SUMF1: variants seen among roughly 807,000 people sequenced by gnomAD.
SUMF1 encodes sulfatase modifying factor 1.
SUMF1 carries 48 observed loss-of-function variants against 47.6 expected under a neutral mutation model. The observed-to-expected ratio is 1.01, with a 90% CI of 0.80 to 1.28. The LOEUF is 1.28. SUMF1 is among the 50% of genes most tolerant of loss of function. The probability of loss-of-function intolerance (pLI) is 0.00; values close to 1 mark genes in which losing one functional copy is unlikely to be tolerated. For synonymous variants in SUMF1, 230 were observed against 192.1 expected (o/e 1.20, Z -1.63); for missense variants, 571 against 485.4 (o/e 1.18, Z -1.66).
rs528563248 is a variant in SUMF1 at position 4,263,956 on chromosome 3, T to C, written c.1014+112374A>G. ...ATAAGAAGATAGACTTGTTCCTCTA[T>C]AAACTAGACAGGAAAATACATATTA... On this transcript the variant is annotated intron_variant and NMD_transcript_variant, in intron 8 of 12. Coordinates refer to the SUMF1 transcript ENST00000448413. Among the ~76,000 whole-genome samples the C allele has an allele frequency of 2.6e-5, 4 of 152,204 alleles. No individual in the cohort carries two copies. In the East Asian group the frequency reaches 7.7e-4, roughly 29 times the overall value.
At chr3:4,293,190 G>C (rs1419933654) in intron 8 of SUMF1, among the ~76,000 whole-genome samples, 1 of 152,042 alleles carries the variant, frequency 6.6e-6, no homozygotes, top group African/African-American at 2.4e-5. Flanking sequence ...CAACCACATA[G>C]TGCAGTTATA....
At chr3:4,463,749 A>C (rs557058091) in intron 1 of SUMF1, among the ~76,000 whole-genome samples, 2 of 152,334 alleles carry the variant, frequency 1.3e-5, no homozygotes, top group East Asian at 3.9e-4. Context: ...GCCACCTACA[A>C]TCTTAGCATC....
intron 8 of SUMF1, among the ~76,000 whole-genome samples, chr3:4,168,531 G>A (rs1019264717): frequency 2.6e-5 from 4 of 152,138 alleles, no homozygotes; most frequent in Non-Finnish European, 4.4e-5. Flanking sequence ...ATTGCAGAGT[G>A]GGATAAAATT....
chr3:4,216,225 G>C (rs1390450619), intron 8 of SUMF1, among the ~76,000 whole-genome samples: 1 of 152,190 alleles, frequency 6.6e-6, no homozygotes. Flanking sequence ...AGAGGCCTCA[G>C]AAATAACACC....
chr3:4,254,200 G>A (rs1286901609), intron 8 of SUMF1, among the ~76,000 whole-genome samples: 1 of 152,022 alleles, frequency 6.6e-6, no homozygotes, highest in African/African-American at 2.4e-5. Flanking sequence ...CTAAAAAGCA[G>A]AGCGCCTCTC....
intron 8 of SUMF1, among the ~76,000 whole-genome samples, chr3:4,208,868 G>A (rs183062774): frequency 1.3e-5 from 2 of 152,084 alleles, no homozygotes; most frequent in Non-Finnish European, 2.9e-5. Context: ...GGGAATATCA[G>A]AAAGAGAAGA....
chr3:4,381,954 G>A (rs1380305995), intron 7 of SUMF1, among the ~76,000 whole-genome samples: 3 of 152,170 alleles, frequency 2.0e-5, no homozygotes, highest in East Asian at 1.9e-4. Flanking sequence ...GCCGAGGCAG[G>A]AGAACCATTT....
chr3:4,446,356 T>G (rs920973461), intron 3 of SUMF1, among the ~76,000 whole-genome samples: 9 of 152,232 alleles, frequency 5.9e-5, no homozygotes, highest in Admixed American at 4.6e-4. Flanking sequence ...CTCTCTTCCC[T>G]GCCACCACGT....
At chr3:4,064,269 A>G (rs812708) in intron 9 of SUMF1, among the ~76,000 whole-genome samples, 126,155 of 147,086 alleles carry the variant, frequency 0.86, 52,775 homozygotes, top group African/African-American at 0.92. Flanking sequence ...TGAAGTGACC[A>G]CTGATCATCC....
At chr3:4,113,776 AG>A (rs1261898253) in intron 8 of SUMF1, among the ~76,000 whole-genome samples, 1 of 152,126 alleles carries the variant, frequency 6.6e-6, no homozygotes, top group Non-Finnish European at 1.5e-5. Flanking sequence ...GATCAGGATC[AG>A]GAAAAAAGGT....
rs547502901 is a variant in SUMF1 at position 4,339,622 on chromosome 3, C to G, written c.1014+36708G>C. 2.0e-5 allele frequency among the ~76,000 whole-genome samples: 3 copies of G among 152,196 alleles called. No individual in the cohort carries two copies. The South Asian group carries it at 6.2e-4, about 32-fold the overall frequency. ...CAACCAGTCAGTGGATGTAGACTGC[C>G]CCCTGGAAAGAGGTCTTGGGTAGGA... On this transcript the variant is annotated intron_variant and NMD_transcript_variant, in intron 8 of 12. Transcript: ENST00000448413.
chr3:4,109,987 G>T (rs1206891964), intron 8 of SUMF1, among the ~76,000 whole-genome samples: 7 of 152,124 alleles, frequency 4.6e-5, no homozygotes, highest in Non-Finnish European at 1.0e-4. Flanking sequence ...TTCCTTTGGA[G>T]GAGGAGAGGC....
intron 9 of SUMF1, among the ~76,000 whole-genome samples, chr3:4,046,429 G>A (rs78937654): frequency 0.042 from 6,321 of 152,218 alleles, 457 homozygotes; most frequent in African/African-American, 0.14. Flanking sequence ...GTGGGATAAA[G>A]ATGGAAGTTT....
chr3:4,321,836 G>A (rs1316356642), intron 8 of SUMF1, among the ~76,000 whole-genome samples: 1 of 152,072 alleles, frequency 6.6e-6, no homozygotes, highest in African/African-American at 2.4e-5. Flanking sequence ...AGTTGAGGGT[G>A]GAGGAAAGGG....
chr3:4,118,988 G>A (rs1383222367), intron 8 of SUMF1, among the ~76,000 whole-genome samples: 2 of 151,854 alleles, frequency 1.3e-5, no homozygotes, highest in African/African-American at 2.4e-5. Flanking sequence ...ATCTTTATTT[G>A]ATGTCCTACA....
intron 8 of SUMF1, among the ~76,000 whole-genome samples, chr3:4,367,215 A>T (rs1158125139): frequency 3.3e-5 from 5 of 152,284 alleles, no homozygotes; most frequent in Admixed American, 6.5e-5. Flanking sequence ...TCAGATCTCC[A>T]GCTGCGTGCT....
intron 8 of SUMF1, among the ~76,000 whole-genome samples, chr3:4,220,414 T>A (rs1234214399): frequency 6.6e-6 from 1 of 152,034 alleles, no homozygotes; most frequent in East Asian, 1.9e-4. Flanking sequence ...ACCCTCCAGG[T>A]TTTTCATGTG....
At chr3:4,170,868 G>A (rs762314628) in intron 8 of SUMF1, among the ~76,000 whole-genome samples, 21 of 152,114 alleles carry the variant, frequency 1.4e-4, no homozygotes, top group Non-Finnish European at 2.2e-4. Context: ...TTCATGGTTT[G>A]TAGGAAAAAT....
chr3:4,235,608 G>C (rs1188183708), intron 8 of SUMF1, among the ~76,000 whole-genome samples: 2 of 152,030 alleles, frequency 1.3e-5, no homozygotes, highest in Admixed American at 6.6e-5. Context: ...GCATTTAAGA[G>C]ATATATCATA....
Sources: allele counts gnomAD v4.1 joint callset (sites outside exome capture counted in the v4.1 genomes callset), GRCh38; gene constraint gnomAD v4.1.1; transcripts MANE v1.5; gene names NCBI Gene and HGNC (gene_info 2026-07-23, HGNC 2026-07-21).